The following SPMIP11 variants were observed in gnomAD, a reference collection of about 807,000 sequenced individuals.
SPMIP11 encodes the protein sperm microtubule inner protein 11, also known as long intergenic non-protein coding RNA 935.
At chr12:48,761,304 A>G in the SPMIP11 span, among the ~76,000 whole-genome samples, 2 of 152,032 alleles carry the variant, frequency 1.3e-5, no homozygotes, top group South Asian at 4.1e-4. Flanking sequence ...AAAAAATGTT[A>G]GCCGGGCATA....
At chr12:48,770,430 G>A in the SPMIP11 span, among the ~76,000 whole-genome samples, 2 of 152,178 alleles carry the variant, frequency 1.3e-5, no homozygotes, top group Admixed American at 1.3e-4. Context: ...CACAGATAAG[G>A]ACAGAAGTAT....
At chr12:48,751,531 A>T in the SPMIP11 span, among the ~76,000 whole-genome samples, 2 of 152,078 alleles carry the variant, frequency 1.3e-5, no homozygotes, top group African/African-American at 4.8e-5. Flanking sequence ...ACTTGAGCCC[A>T]GGAGGTTGAG....
the SPMIP11 span, among the ~76,000 whole-genome samples, chr12:48,759,002 A>G: frequency 6.6e-6 from 1 of 152,120 alleles, no homozygotes; most frequent in Non-Finnish European, 1.5e-5. Context: ...GAAGCAAGAG[A>G]GTGGTAAGGG....
the SPMIP11 span, among the ~76,000 whole-genome samples, chr12:48,738,924 C>CT: frequency 0.55 from 80,957 of 146,600 alleles, 22,547 homozygotes; most frequent in East Asian, 0.76. Context: ...CATATCAGAA[C>CT]TTTTTTTTTT....
chr12:48,753,763 G>A, the SPMIP11 span, among the ~76,000 whole-genome samples: 751 of 145,272 alleles, frequency 5.2e-3, 6 homozygotes, highest in African/African-American at 0.018. Flanking sequence ...GTGCAGTGGC[G>A]CAATATCGGC....
At chr12:48,768,919 T>C in the SPMIP11 span, 2 of 1,597,868 alleles carry the variant, frequency 1.3e-6, no homozygotes, top group Non-Finnish European at 1.7e-6. Context: ...TCCCAGCCCC[T>C]GCTCATATCC....
chr12:48,742,058 T>C, the SPMIP11 span, among the ~76,000 whole-genome samples: 4 of 152,226 alleles, frequency 2.6e-5, no homozygotes, highest in South Asian at 6.2e-4. Flanking sequence ...CCAATCCATT[T>C]TAACTCAAAG....
chr12:48,746,360 C>CTTTTTT, the SPMIP11 span, among the ~76,000 whole-genome samples: 58 of 101,188 alleles, frequency 5.7e-4, no homozygotes, highest in East Asian at 1.1e-3. Flanking sequence ...ACTATAATTC[C>CTTTTTT]TTTTTTTTTT....
the SPMIP11 span, among the ~76,000 whole-genome samples, chr12:48,745,493 C>G: frequency 7.2e-3 from 1,090 of 152,068 alleles, 27 homozygotes; most frequent in Admixed American, 0.039. Context: ...TATAGCCCAG[C>G]TACTTGGGAG....
At chr12:48,737,139 T>C in the SPMIP11 span, among the ~76,000 whole-genome samples, 1 of 151,800 alleles carries the variant, frequency 6.6e-6, no homozygotes, top group African/African-American at 2.4e-5. Context: ...TTTCTAGAGA[T>C]GGGGTCTTGC....
the SPMIP11 span, chr12:48,767,134 C>T: frequency 6.5e-6 from 1 of 152,804 alleles, no homozygotes; most frequent in East Asian, 1.9e-4. Context: ...TACCCCAGCC[C>T]CAAAGCATAC....
At chr12:48,732,169 A>C in the SPMIP11 span, among the ~76,000 whole-genome samples, 1 of 151,748 alleles carries the variant, frequency 6.6e-6, no homozygotes, top group African/African-American at 2.4e-5. Flanking sequence ...AAAACATAAA[A>C]GCCCCTCAAA....
At chr12:48,741,618 A>G in the SPMIP11 span, among the ~76,000 whole-genome samples, 1 of 150,890 alleles carries the variant, frequency 6.6e-6, no homozygotes. Flanking sequence ...ATAATTTCTG[A>G]TAAGATTCTT....
the SPMIP11 span, among the ~76,000 whole-genome samples, chr12:48,730,735 C>G: frequency 6.6e-6 from 1 of 151,908 alleles, no homozygotes; most frequent in Non-Finnish European, 1.5e-5. Context: ...GTCAGGAGTT[C>G]GAGACCAGCC....
the SPMIP11 span, among the ~76,000 whole-genome samples, chr12:48,734,792 A>G: frequency 2.6e-5 from 4 of 152,184 alleles, no homozygotes; most frequent in Admixed American, 1.3e-4. Context: ...ACTTGAGGTC[A>G]GCAGATCGAG....
At chr12:48,767,398 A>G in the SPMIP11 span, 3 of 152,722 alleles carry the variant, frequency 2.0e-5, no homozygotes, top group South Asian at 2.1e-4. Context: ...ATCTCTCTAC[A>G]TCCCCTGAAG....
At chr12:48,737,408 A>T in the SPMIP11 span, among the ~76,000 whole-genome samples, 1 of 148,624 alleles carries the variant, frequency 6.7e-6, no homozygotes, top group African/African-American at 2.5e-5. Context: ...TTTTATTTTA[A>T]TTTTTAATTT....
chr12:48,736,435 A>AAG, the SPMIP11 span, among the ~76,000 whole-genome samples: 1 of 146,850 alleles, frequency 6.8e-6, no homozygotes, highest in African/African-American at 2.5e-5. Context: ...AAAAAAAAAA[A>AAG]GAATTGCCAT....
chr12:48,761,613 A>T, the SPMIP11 span, among the ~76,000 whole-genome samples: 25 of 135,730 alleles, frequency 1.8e-4, no homozygotes, highest in Non-Finnish European at 3.6e-4. Context: ...CCCTGTCTTT[A>T]AAAAAAAAAA....
Sources: gnomAD v4.1 joint callset for allele counts (sites outside exome capture counted in the v4.1 genomes callset) on GRCh38, gnomAD v4.1.1 for gene constraint, MANE v1.5 for transcripts, NCBI Gene and HGNC (gene_info 2026-07-23, HGNC 2026-07-21) for gene names.